MTUS1: variants seen among roughly 807,000 people sequenced by gnomAD.
MTUS1 encodes microtubule-associated tumor suppressor 1.
Under a neutral mutation model 120.8 loss-of-function variants are expected in MTUS1, and 109 were observed. The observed-to-expected ratio is 0.90, with a 90% CI of 0.77 to 1.06. MTUS1 has a LOEUF of 1.06. Among genes scored for constraint, MTUS1 ranks in the 50% least tolerant of loss-of-function variants. The pLI is 0.00. For missense variants in MTUS1, 2,210 were observed against 1,486.3 expected (o/e 1.49, Z -8.01); for synonymous variants, 737 against 550.5 (o/e 1.34, Z -4.74).
intron 7 of MTUS1, among the ~76,000 whole-genome samples, chr8:17,682,777 T>C (rs1814846920): frequency 6.6e-6 from 1 of 152,200 alleles, no homozygotes; most frequent in Non-Finnish European, 1.5e-5. Flanking sequence ...GTTCCCCACA[T>C]TTGATAGTAT....
At chr8:17,745,295 G>C (rs1274449282) in intron 2 of MTUS1, among the ~76,000 whole-genome samples, 1 of 152,118 alleles carries the variant, frequency 6.6e-6, no homozygotes, top group Non-Finnish European at 1.5e-5. Context: ...ATATGAAATG[G>C]TGTAGGGTTT....
At chr8:17,757,756 A>G (rs1310744582) in intron 1 of MTUS1, among the ~76,000 whole-genome samples, 1 of 152,052 alleles carries the variant, frequency 6.6e-6, no homozygotes, top group Non-Finnish European at 1.5e-5. Flanking sequence ...CGAACTCCTG[A>G]CCTCAGGTAA....
At position 17,743,640 on chromosome 8, in the gene MTUS1, C is replaced by T. The variant is rs768758009; in HGVS notation, c.2251G>A (p.Val751Ile). The T allele has an allele frequency of 2.5e-5, 41 of 1,613,934 alleles. No individual in the cohort carries two copies. The highest frequency in any genetic ancestry group is 2.3e-4 in the South Asian group (21 of 91,064). Residue 751 changes from valine (V) to isoleucine (I), a missense_variant, in exon 3 of 15, where the codon GTA becomes ATA. By Grantham distance (29) the Val-to-Ile change is conservative (BLOSUM62 3). Transcript: ENST00000693296. ...DNRNPSADRA[V>I]SPQRIRRVSS... ...ACACGCCTGATCCTCTGAGGAGATACGGCTCGATCAGCACTGGGATTTCTA... is the reference window on the plus strand; with the variant it reads ...ACACGCCTGATCCTCTGAGGAGATATGGCTCGATCAGCACTGGGATTTCTA...
chr8:17,741,682 T>A (rs1193955721), intron 3 of MTUS1, among the ~76,000 whole-genome samples: 1 of 152,236 alleles, frequency 6.6e-6, no homozygotes, highest in Non-Finnish European at 1.5e-5. Context: ...TCTTTTTCAA[T>A]GTATCCTGGG....
chr8:17,732,570 A>C (rs115387118), intron 3 of MTUS1, among the ~76,000 whole-genome samples: 2,423 of 152,152 alleles, frequency 0.016, 27 homozygotes, highest in South Asian at 0.03. Flanking sequence ...CTGAATCCTA[A>C]ATTTATATCT....
chr8:17,652,388 T>G (rs1807198584), intron 12 of MTUS1, among the ~76,000 whole-genome samples: 1 of 152,138 alleles, frequency 6.6e-6, no homozygotes, highest in Non-Finnish European at 1.5e-5. Context: ...ACGCCAGTCT[T>G]AAAAGGACCA....
chr8:17,743,534 G>T (rs1026946615), intron 3 of MTUS1, 70 bp downstream of exon 3: 6 of 1,430,240 alleles, frequency 4.2e-6, no homozygotes, highest in Non-Finnish European at 5.8e-6. Context: ...GAAGGCATTA[G>T]ACCTATAATC....
intron 3 of MTUS1, among the ~76,000 whole-genome samples, chr8:17,724,496 T>C (rs1364554624): frequency 6.6e-6 from 1 of 152,148 alleles, no homozygotes; most frequent in Non-Finnish European, 1.5e-5. Context: ...AGATTTTTTT[T>C]TTTAATCTCA....
At chr8:17,758,281 C>G (rs184902483) in intron 1 of MTUS1, 36 of 152,322 alleles carry the variant, frequency 2.4e-4, no homozygotes, top group African/African-American at 7.9e-4. Flanking sequence ...CTGTGTCTTT[C>G]TGGCCAAGCA....
At chr8:17,691,158 A>C (rs1554487626) in intron 6 of MTUS1, 2 of 152,208 alleles carry the variant, frequency 1.3e-5, no homozygotes, top group Non-Finnish European at 2.9e-5. Context: ...ACCGTAATTT[A>C]TTACTTACTT....
intron 6 of MTUS1, among the ~76,000 whole-genome samples, chr8:17,692,852 G>T (rs1177086300): frequency 6.6e-6 from 1 of 152,082 alleles, no homozygotes; most frequent in African/African-American, 2.4e-5. Context: ...GAACCTAAAA[G>T]TTCAAAATAA....
intron 2 of MTUS1, among the ~76,000 whole-genome samples, chr8:17,753,109 A>G (rs2048320475): frequency 6.6e-6 from 1 of 152,194 alleles, no homozygotes; most frequent in African/African-American, 2.4e-5. Context: ...TATACCAGGA[A>G]TTAATATATT....
intron 7 of MTUS1, among the ~76,000 whole-genome samples, chr8:17,680,003 G>A (rs1814013522): frequency 6.6e-6 from 1 of 152,128 alleles, no homozygotes; most frequent in Non-Finnish European, 1.5e-5. Context: ...TCATAAGAAA[G>A]AACTAGATGC....
intron 2 of MTUS1, among the ~76,000 whole-genome samples, chr8:17,751,004 G>A (rs919931094): frequency 2.6e-5 from 4 of 152,176 alleles, no homozygotes; most frequent in African/African-American, 2.4e-5. Flanking sequence ...GCAGGCCAAG[G>A]CCAACAAAGC....
intron 7 of MTUS1, among the ~76,000 whole-genome samples, chr8:17,679,025 T>G (rs909102938): frequency 6.6e-6 from 1 of 152,170 alleles, no homozygotes; most frequent in African/African-American, 2.4e-5. Context: ...TCATGAGATA[T>G]AAGAATGTCT....
chr8:17,672,020 C>CT, intron 8 of MTUS1, among the ~76,000 whole-genome samples: 1 of 152,164 alleles, frequency 6.6e-6, no homozygotes, highest in African/African-American at 2.4e-5. Flanking sequence ...TAACATCCAA[C>CT]TAGGAGTGGA....
At chr8:17,702,545 T>C (rs417489) in intron 6 of MTUS1, among the ~76,000 whole-genome samples, 94,744 of 151,948 alleles carry the variant, frequency 0.62, 29,749 homozygotes, top group Middle Eastern at 0.72. Context: ...GAACATCAAG[T>C]TCCCATTCCC....
At chr8:17,646,281 G>C in intron 14 of MTUS1, 142 bp from the exon 15 acceptor site, 1 of 992,940 alleles carries the variant, frequency 1.0e-6, no homozygotes, top group Non-Finnish European at 1.4e-6. Context: ...ACAGGTATTT[G>C]GCTGGCTAAG....
intron 2 of MTUS1, among the ~76,000 whole-genome samples, chr8:17,744,066 T>C (rs2047543434): frequency 6.6e-6 from 1 of 152,198 alleles, no homozygotes; most frequent in Admixed American, 6.5e-5. Context: ...AATTCCAACC[T>C]GACTCTAGTT....
Sources: allele counts gnomAD v4.1 joint callset (sites outside exome capture counted in the v4.1 genomes callset), GRCh38; gene constraint gnomAD v4.1.1; transcripts MANE v1.5; gene names NCBI Gene and HGNC (gene_info 2026-07-23, HGNC 2026-07-21).